The following PRKAG2 variants were observed in gnomAD, a reference collection of about 807,000 sequenced individuals.
PRKAG2 encodes 5'-AMP-activated protein kinase subunit gamma-2.
In PRKAG2, 26 loss-of-function variants were observed where a neutral mutation model predicts 69.6. The ratio of observed to expected loss-of-function variants is 0.37; its 90% CI spans 0.27 to 0.52. PRKAG2 has a LOEUF of 0.52. Ranked by LOEUF, PRKAG2 falls within the 20% of genes least tolerant of loss-of-function variation. PRKAG2 has a pLI of 0.90. For synonymous variants in PRKAG2, 293 were observed against 285.0 expected, an observed-to-expected ratio of 1.03 and a Z score of -0.28; for missense variants, 557 against 740.0, an observed-to-expected ratio of 0.75 and a Z score of 2.87.
chr7:151,647,784 A>G (rs1827813129), intron 4 of PRKAG2, among the ~76,000 whole-genome samples: 1 of 152,234 alleles, frequency 6.6e-6, no homozygotes, highest in Non-Finnish European at 1.5e-5. Context: ...TTTTGGCAAT[A>G]TAAAAAAATC....
chr7:151,621,729 C>T (rs1307661486), intron 5 of PRKAG2, among the ~76,000 whole-genome samples: 5 of 151,976 alleles, frequency 3.3e-5, no homozygotes. Context: ...TGCACCACCA[C>T]ACCCGGATAG....
At chr7:151,607,278 T>C (rs12112591) in intron 5 of PRKAG2, among the ~76,000 whole-genome samples, 6,810 of 152,272 alleles carry the variant, frequency 0.045, 495 homozygotes, top group African/African-American at 0.15. Flanking sequence ...TATGCTTGTT[T>C]GGTACCTTTG....
intron 4 of PRKAG2, among the ~76,000 whole-genome samples, chr7:151,635,809 A>AT (rs1216331465): frequency 6.6e-6 from 1 of 150,898 alleles, no homozygotes; most frequent in Non-Finnish European, 1.5e-5. Context: ...ATCACCCTGT[A>AT]TTTTTCCCTA....
intron 9 of PRKAG2, among the ~76,000 whole-genome samples, chr7:151,570,776 C>CT (rs1210062588): frequency 6.6e-6 from 1 of 151,318 alleles, no homozygotes; most frequent in East Asian, 1.9e-4. Flanking sequence ...TCCAAGGTTT[C>CT]TTTTTTTTTC....
intron 1 of PRKAG2, among the ~76,000 whole-genome samples, chr7:151,793,334 C>A (rs191336506): frequency 1.3e-5 from 2 of 152,326 alleles, no homozygotes; most frequent in Non-Finnish European, 2.9e-5. Context: ...CTAGGTGAGA[C>A]GGCCAGGACC....
chr7:151,870,048 G>C (rs2080176878), intron 1 of PRKAG2, among the ~76,000 whole-genome samples: 1 of 152,094 alleles, frequency 6.6e-6, no homozygotes. Context: ...ATGTTGAATT[G>C]CCTTTGTTGA....
At chr7:151,714,315 G>A (rs527348093) in intron 3 of PRKAG2, among the ~76,000 whole-genome samples, 6 of 149,648 alleles carry the variant, frequency 4.0e-5, no homozygotes, top group Admixed American at 6.6e-5. Context: ...CAGGGCTTCC[G>A]AGAGAGCCGT....
At position 151,650,247 on chromosome 7, in the gene PRKAG2, G is replaced by C. The variant is rs534219212; in HGVS notation, c.685-18109C>G. ...AAAAGTTTAAGAGAAAAATGGTAATGGTTGACTATTTTCCTGCTGAGAAGT... is the reference window on the plus strand; with the variant it reads ...AAAAGTTTAAGAGAAAAATGGTAATCGTTGACTATTTTCCTGCTGAGAAGT... On this transcript the variant is annotated intron_variant, in intron 4 of 15. Coordinates refer to ENST00000287878, the MANE Select transcript of PRKAG2 (RefSeq NM_016203.4). 2.0e-5 allele frequency among the ~76,000 whole-genome samples: 3 copies of C among 151,796 alleles called. No individual in the cohort carries two copies. In the East Asian group the frequency reaches 5.8e-4, roughly 30 times the overall value.
rs186355414 is a variant in PRKAG2, at chr7:151,776,941, C to T, written c.466+4211G>A. Among the ~76,000 whole-genome samples the T allele has an allele frequency of 6.0e-3, 911 of 152,312 alleles. 3 individuals carry two copies. The highest frequency in any genetic ancestry group is 9.6e-3 in the Non-Finnish European group (654 of 68,016). The stretch of plus-strand genomic sequence containing the variant: ...AGTCTCTGCTTCTGAGCCCCAGCCT[C>T]ATCCCCAGGACCCCTTGGGTGCTGG... On this transcript the variant is annotated intron_variant, in intron 3 of 15. Transcript: ENST00000287878.
intron 3 of PRKAG2, among the ~76,000 whole-genome samples, chr7:151,760,258 A>G (rs1330262477): frequency 6.6e-6 from 1 of 152,038 alleles, no homozygotes; most frequent in East Asian, 1.9e-4. Context: ...TTGTTTTTGA[A>G]ACAGAGTCTT....
At chr7:151,710,989 G>A (rs1323751213) in intron 3 of PRKAG2, among the ~76,000 whole-genome samples, 2 of 152,118 alleles carry the variant, frequency 1.3e-5, no homozygotes, top group South Asian at 2.1e-4. Flanking sequence ...AGTATTGCGA[G>A]TGCTAGGAAT....
At chr7:151,619,824 C>T (rs1451620018) in intron 5 of PRKAG2, among the ~76,000 whole-genome samples, 1 of 152,116 alleles carries the variant, frequency 6.6e-6, no homozygotes, top group Non-Finnish European at 1.5e-5. Context: ...AGTTCAAGAC[C>T]AGCCTGGCCA....
intron 14 of PRKAG2, among the ~76,000 whole-genome samples, chr7:151,563,072 C>T (rs189504586): frequency 8.5e-5 from 13 of 152,276 alleles, no homozygotes; most frequent in South Asian, 2.1e-4. Flanking sequence ...TGACTCCCCA[C>T]GTATTTTCTT....
intron 1 of PRKAG2, among the ~76,000 whole-genome samples, chr7:151,830,684 C>T (rs1396284834): frequency 5.4e-5 from 8 of 147,782 alleles, no homozygotes; most frequent in African/African-American, 2.0e-4. Flanking sequence ...GAACCAGAGC[C>T]TGGCCTGAGG....
intron 4 of PRKAG2, among the ~76,000 whole-genome samples, chr7:151,649,516 CT>C (rs1309796629): frequency 6.6e-6 from 1 of 152,168 alleles, no homozygotes; most frequent in Non-Finnish European, 1.5e-5. Flanking sequence ...TGGTTTGGAT[CT>C]GTGTCCCCAC....
At chr7:151,627,008 AT>A (rs1299784464) in intron 5 of PRKAG2, among the ~76,000 whole-genome samples, 1 of 152,132 alleles carries the variant, frequency 6.6e-6, no homozygotes, top group African/African-American at 2.4e-5. Flanking sequence ...GTGAACACAC[AT>A]TTTTGTTTTG....
chr7:151,630,555 T>C (rs777079954), intron 5 of PRKAG2, among the ~76,000 whole-genome samples: 6 of 152,252 alleles, frequency 3.9e-5, no homozygotes, highest in African/African-American at 9.6e-5. Context: ...ACAGAGAGGT[T>C]AAGTAACTTG....
At chr7:151,712,908 G>T (rs780655374) in intron 3 of PRKAG2, among the ~76,000 whole-genome samples, 2 of 152,242 alleles carry the variant, frequency 1.3e-5, no homozygotes, top group Non-Finnish European at 2.9e-5. Flanking sequence ...CATTTTGGGT[G>T]CAGGATATTT....
chr7:151,558,573 C>T (rs940435732), intron 15 of PRKAG2: 18 of 915,474 alleles, frequency 2.0e-5, no homozygotes, highest in Middle Eastern at 5.5e-4. Flanking sequence ...TCCTCACTTG[C>T]GATTGTTGAT....
Sources: allele counts gnomAD v4.1 joint callset (sites outside exome capture counted in the v4.1 genomes callset), GRCh38; gene constraint gnomAD v4.1.1; transcripts MANE v1.5; gene names NCBI Gene and HGNC (gene_info 2026-07-23, HGNC 2026-07-21).